TMEM132D: variants seen among roughly 807,000 people sequenced by gnomAD.
The protein encoded by TMEM132D is transmembrane protein 132D, also known as mature OL transmembrane protein.
A neutral mutation model predicts 62.3 loss-of-function variants in TMEM132D; 21 were observed. The observed-to-expected ratio is 0.34, with a 90% CI of 0.24 to 0.49. The LOEUF (loss-of-function observed/expected upper bound fraction) is 0.49, where lower values mean the gene tolerates loss of function less well. Among genes scored for constraint, TMEM132D ranks in the 20% least tolerant of loss-of-function variants. TMEM132D has a pLI of 0.99. For synonymous variants in TMEM132D, 621 were observed against 575.6 expected (o/e 1.08, Z -1.13); for missense variants, 1,346 against 1,402.8 (o/e 0.96, Z 0.65).
At chr12:129,210,622 T>C (rs1045812149) in intron 4 of TMEM132D, among the ~76,000 whole-genome samples, 8 of 152,240 alleles carry the variant, frequency 5.3e-5, no homozygotes, top group African/African-American at 1.9e-4. Context: ...GCTGTTTTAC[T>C]TTTACTTATA....
At chr12:129,118,443 G>A (rs539363092) in intron 5 of TMEM132D, among the ~76,000 whole-genome samples, 1 of 152,320 alleles carries the variant, frequency 6.6e-6, no homozygotes, top group South Asian at 2.1e-4. Context: ...GCACTCCCTT[G>A]GAGCCAGGAC....
chr12:129,250,423 C>A (rs1811815363), intron 4 of TMEM132D, among the ~76,000 whole-genome samples: 1 of 152,142 alleles, frequency 6.6e-6, no homozygotes, highest in Non-Finnish European at 1.5e-5. Flanking sequence ...CAGAGTAAAA[C>A]AATTTATTAT....
intron 3 of TMEM132D, among the ~76,000 whole-genome samples, chr12:129,402,832 G>C (rs570026567): frequency 6.9e-6 from 1 of 144,198 alleles, no homozygotes; most frequent in South Asian, 2.1e-4. Context: ...TTGAGGACTG[G>C]GTCCTGGGGT....
At chr12:129,553,162 C>T (rs577409699) in intron 2 of TMEM132D, among the ~76,000 whole-genome samples, 136 of 152,258 alleles carry the variant, frequency 8.9e-4, no homozygotes, top group African/African-American at 3.2e-3. Flanking sequence ...GTGTCTGAGT[C>T]ACTGCTTGTG....
chr12:129,287,435 G>A (rs1435861491), intron 4 of TMEM132D, among the ~76,000 whole-genome samples: 1 of 152,210 alleles, frequency 6.6e-6, no homozygotes, highest in Admixed American at 6.5e-5. Flanking sequence ...GCTAAAATTT[G>A]TGGGCAAAAT....
chr12:129,678,530 A>C (rs1282355861), intron 2 of TMEM132D, among the ~76,000 whole-genome samples: 1 of 152,158 alleles, frequency 6.6e-6, no homozygotes, highest in African/African-American at 2.4e-5. Flanking sequence ...TTTGAACAAC[A>C]GCCATTCTTC....
Position 129,854,937 on chromosome 12 carries a change from C to T in TMEM132D, c.79+48324G>A, listed in dbSNP as rs377356112. 4 of 152,324 alleles carry T rather than the reference C, an allele frequency of 2.6e-5. No homozygotes were observed. The East Asian group carries it at 5.8e-4, about 22-fold the overall frequency. 9.4% of individuals were successfully genotyped at this position (152,324 alleles called of 1,614,324 possible). A position where few individuals can be genotyped will look rare whatever the true frequency, so the allele number is the denominator to read the frequency against. On this transcript the variant is annotated intron_variant, in intron 1 of 8. Coordinates refer to ENST00000422113, the MANE Select transcript of TMEM132D (RefSeq NM_133448.3). ...AAGGCACCATCCAGCAACCTTGGACCTACTTTGTTTGCCCACATGGTATTT... is the reference window on the plus strand; with the variant it reads ...AAGGCACCATCCAGCAACCTTGGACTTACTTTGTTTGCCCACATGGTATTT...
intron 4 of TMEM132D, among the ~76,000 whole-genome samples, chr12:129,281,083 AG>A (rs1460287058): frequency 6.6e-6 from 1 of 152,166 alleles, no homozygotes; most frequent in Non-Finnish European, 1.5e-5. Flanking sequence ...TTACTTCTAT[AG>A]TACCAACCAG....
chr12:129,844,826 T>C (rs917391401), intron 1 of TMEM132D, among the ~76,000 whole-genome samples: 3 of 152,164 alleles, frequency 2.0e-5, no homozygotes, highest in Admixed American at 2.0e-4. Flanking sequence ...AGTCATAAAA[T>C]CCACTTTCCA....
chr12:129,582,555 T>C (rs995903960), intron 2 of TMEM132D, among the ~76,000 whole-genome samples: 2 of 152,166 alleles, frequency 1.3e-5, no homozygotes, highest in East Asian at 3.9e-4. Context: ...TAGTACTTCC[T>C]AGTGTTGAGA....
chr12:129,673,447 T>C (rs1880549141), intron 2 of TMEM132D, among the ~76,000 whole-genome samples: 1 of 152,238 alleles, frequency 6.6e-6, no homozygotes, highest in African/African-American at 2.4e-5. Context: ...TAAAAACTTT[T>C]TACATTTTGA....
intron 1 of TMEM132D, among the ~76,000 whole-genome samples, chr12:129,732,426 A>C (rs961938788): frequency 1.3e-5 from 2 of 152,190 alleles, no homozygotes; most frequent in African/African-American, 2.4e-5. Context: ...TGGCATCCCC[A>C]GTGCTGGAGG....
intron 2 of TMEM132D, among the ~76,000 whole-genome samples, chr12:129,576,896 G>A (rs2137123426): frequency 6.6e-6 from 1 of 152,078 alleles, no homozygotes; most frequent in South Asian, 2.1e-4. Flanking sequence ...GCACTTTGCA[G>A]TATTTATCGA....
intron 3 of TMEM132D, among the ~76,000 whole-genome samples, chr12:129,477,063 T>G (rs1031439047): frequency 3.3e-5 from 5 of 152,200 alleles, no homozygotes; most frequent in African/African-American, 1.2e-4. Flanking sequence ...GGACGGTGCT[T>G]TTCTATGCAC....
At chr12:129,762,502 T>C (rs1870414260) in intron 1 of TMEM132D, among the ~76,000 whole-genome samples, 1 of 152,120 alleles carries the variant, frequency 6.6e-6, no homozygotes, top group Non-Finnish European at 1.5e-5. Flanking sequence ...TTTTGCTCTG[T>C]CTTCTTTTCA....
intron 2 of TMEM132D, among the ~76,000 whole-genome samples, chr12:129,678,111 A>T (rs7311340): frequency 0.26 from 37,891 of 143,716 alleles, 5,518 homozygotes; most frequent in Non-Finnish European, 0.34. Context: ...ATTTGTTGAT[A>T]TAAACAGTGC....
Position 129,135,785 on chromosome 12 carries a change from A to C in TMEM132D, c.1444-51083T>G, listed in dbSNP as rs566766017. 4.3e-4 allele frequency among the ~76,000 whole-genome samples: 66 copies of C among 152,208 alleles called. 1 individual carries two copies. Among genetic ancestry groups the C allele is most frequent in the Middle Eastern group, 6.8e-3 (2 of 294 alleles). ...TTCTGTCTTCGGGTGGTTTGCTGGC[A>C]ATCTTTGGTGTTCCTTGGCTGATAG... On this transcript the variant is annotated intron_variant, in intron 5 of 8. Transcript: ENST00000422113.
chr12:129,658,147 T>TA (rs1880142088), intron 2 of TMEM132D, among the ~76,000 whole-genome samples: 1 of 152,086 alleles, frequency 6.6e-6, no homozygotes, highest in Admixed American at 6.5e-5. Context: ...ATGGAGAAAG[T>TA]AAAAACTATG....
At chr12:129,706,949 G>T (rs968406810) in intron 1 of TMEM132D, among the ~76,000 whole-genome samples, 6 of 151,358 alleles carry the variant, frequency 4.0e-5, no homozygotes, top group African/African-American at 1.5e-4. Context: ...AGCCAAAGAT[G>T]CAGTCAAAAG....
Sources: allele counts gnomAD v4.1 joint callset (sites outside exome capture counted in the v4.1 genomes callset), GRCh38; gene constraint gnomAD v4.1.1; transcripts MANE v1.5; gene names NCBI Gene and HGNC (gene_info 2026-07-23, HGNC 2026-07-21).